The following CDH11 variants were observed in gnomAD, a reference collection of about 807,000 sequenced individuals.
CDH11 encodes the protein cadherin 11.
In CDH11, 11 loss-of-function variants were observed where a neutral mutation model predicts 67.8. The ratio of observed to expected loss-of-function variants is 0.16; its 90% CI spans 0.10 to 0.27. The LOEUF is 0.27. Among genes scored for constraint, CDH11 ranks in the 10% least tolerant of loss-of-function variants. CDH11 has a pLI of 1.00. For missense variants in CDH11, 847 were observed against 1,031.2 expected (o/e 0.82, Z 2.45); for synonymous variants, 419 against 400.0 (o/e 1.05, Z -0.57).
At chr16:65,072,903 G>A (rs2074442453) in intron 1 of CDH11, among the ~76,000 whole-genome samples, 1 of 152,056 alleles carries the variant, frequency 6.6e-6, no homozygotes, top group Admixed American at 6.6e-5. Flanking sequence ...TCCCATGTGG[G>A]GTTTCCTATA....
At chr16:65,047,846 T>A (rs1452405984) in intron 2 of CDH11, among the ~76,000 whole-genome samples, 3 of 152,184 alleles carry the variant, frequency 2.0e-5, no homozygotes, top group Admixed American at 1.3e-4. Flanking sequence ...GATAAATCCC[T>A]ACTCATGATC....
At chr16:65,002,689 C>T (rs1597078530) in intron 3 of CDH11, among the ~76,000 whole-genome samples, 1 of 152,116 alleles carries the variant, frequency 6.6e-6, no homozygotes, top group Admixed American at 6.5e-5. Flanking sequence ...AAGTGCTGTT[C>T]TCATGTAAAA....
chr16:65,067,460 C>T (rs979305567), intron 1 of CDH11, among the ~76,000 whole-genome samples: 14 of 152,176 alleles, frequency 9.2e-5, no homozygotes, highest in Non-Finnish European at 1.5e-5. Context: ...TCTAGCCCCA[C>T]CATTCTCTCA....
intron 2 of CDH11, among the ~76,000 whole-genome samples, chr16:65,045,327 AAG>A (rs2073936429): frequency 2.7e-5 from 3 of 112,466 alleles, no homozygotes; most frequent in Non-Finnish European, 5.4e-5. Flanking sequence ...TTTCCCTCAA[AAG>A]TATATATATA....
chr16:65,049,372 AGACCC>A (rs1397849644), intron 2 of CDH11, among the ~76,000 whole-genome samples: 1 of 152,138 alleles, frequency 6.6e-6, no homozygotes, highest in Non-Finnish European at 1.5e-5. Context: ...TTAGGAATGG[AGACCC>A]TGTCTCTACC....
rs1193601880 is a variant in CDH11 at position 64,944,969 on chromosome 16, T to C, written c.*2634A>G. 4 of 213,216 alleles carry C rather than the reference T, an allele frequency of 1.9e-5. No homozygotes were observed. Among genetic ancestry groups the C allele is most frequent in the Admixed American group, 5.9e-5 (1 of 17,092 alleles). 13.2% of individuals were successfully genotyped at this position (213,216 alleles called of 1,614,324 possible). On this transcript the variant is annotated 3_prime_UTR_variant, in exon 13 of 13. Transcript: ENST00000268603. ...AATTATCAAAAGATGTCAGAAAAGGTAGTAAGATTCATTCTGAATCCTCCA... is the reference window on the plus strand; with the variant it reads ...AATTATCAAAAGATGTCAGAAAAGGCAGTAAGATTCATTCTGAATCCTCCA...
chr16:65,000,251 A>G (rs1037784852), intron 3 of CDH11, among the ~76,000 whole-genome samples: 1 of 152,108 alleles, frequency 6.6e-6, no homozygotes, highest in Admixed American at 6.5e-5. Context: ...AAAGTCTCCC[A>G]AAAATCACAT....
At chr16:65,048,707 CAT>C (rs917482879) in intron 2 of CDH11, among the ~76,000 whole-genome samples, 2 of 151,176 alleles carry the variant, frequency 1.3e-5, no homozygotes, top group Admixed American at 6.6e-5. Context: ...TAGATATAGA[CAT>C]ATATATTTAT....
rs747403726 is a variant in CDH11 at position 64,991,748 on chromosome 16, AG to A, written c.811+19del. On this transcript the variant is annotated intron_variant, in intron 6 of 12. Transcript: ENST00000268603. ...GGCTGTGTCACCATGGAAAAGTGAA[AG>A]CCAAGTCCACCTACTTACTCTGCGG... 1 of 1,593,234 alleles carries A rather than the reference AG, an allele frequency of 6.3e-7. No individual in the cohort carries two copies. Among genetic ancestry groups the A allele is most frequent in the South Asian group, 1.1e-5 (1 of 90,058 alleles).
chr16:64,977,357 A>G lies in CDH11; in HGVS notation c.1254-4317T>C, dbSNP rs146136322. Among the ~76,000 whole-genome samples, 342 of 152,358 alleles carry G rather than the reference A, an allele frequency of 2.2e-3. 3 individuals are homozygous for G. The highest frequency in any genetic ancestry group is 7.5e-3 in the African/African-American group (314 of 41,592). On this transcript the variant is annotated intron_variant, in intron 8 of 12. Transcript: ENST00000268603. ...TGGAAATTGCCTACATGCACAGAAC[A>G]GCTACCATTTGAAAACATGACCCAA...
At chr16:65,004,427 A>C (rs1373404344) in intron 3 of CDH11, among the ~76,000 whole-genome samples, 1 of 152,180 alleles carries the variant, frequency 6.6e-6, no homozygotes, top group Non-Finnish European at 1.5e-5. Flanking sequence ...TAAATGGAAA[A>C]ACCTAAGAAG....
rs547153512 is a variant in CDH11, at chr16:65,095,296, A to G, written c.-298+26584T>C. ...GCTGGATAGGTGGGTATGGCCAACC[A>G]ACCACATCCTTGCACTGCTGAGAGA... is the stretch of plus-strand genomic sequence containing the variant. On this transcript the variant is annotated intron_variant, in intron 1 of 12. Coordinates refer to ENST00000268603, the MANE Select transcript of CDH11 (RefSeq NM_001797.4). Among the ~76,000 whole-genome samples, 20 of 152,284 alleles carry G rather than the reference A, an allele frequency of 1.3e-4. 1 individual carries two copies. The Middle Eastern group carries it at 0.017, about 129-fold the overall frequency.
rs1374991255 is a variant in CDH11, at chr16:65,121,989, G to T, written c.-407C>A. Reference sequence around the variant, plus strand: ...TCCCGGTCCCATTCACAAGTCAGCGGCGGCTGCGAGCGGCCCCCGCGGCAT... The same window carrying T: ...TCCCGGTCCCATTCACAAGTCAGCGTCGGCTGCGAGCGGCCCCCGCGGCAT... On this transcript the variant is annotated 5_prime_UTR_variant, in exon 1 of 13. Transcript: ENST00000268603. This position sits in a 1 kb window ranked among gnomAD's most constrained non-coding sequence, Gnocchi z 4.1. 3 of 700,566 alleles carry T rather than the reference G, an allele frequency of 4.3e-6. No individual in the cohort carries two copies. Among genetic ancestry groups the T allele is most frequent in the Non-Finnish European group, 7.8e-6 (3 of 383,996 alleles). The allele number at this position is 700,566 out of a possible 1,614,324, so 43.4% of individuals were successfully genotyped here.
intron 1 of CDH11, among the ~76,000 whole-genome samples, chr16:65,064,648 A>G (rs2074285097): frequency 6.6e-6 from 1 of 152,212 alleles, no homozygotes; most frequent in Admixed American, 6.5e-5. Context: ...AACAAAGACA[A>G]GGCAGTCTCA....
At chr16:64,960,886 G>A (rs1356223983) in intron 11 of CDH11, among the ~76,000 whole-genome samples, 2 of 152,058 alleles carry the variant, frequency 1.3e-5, no homozygotes, top group Non-Finnish European at 2.9e-5. Context: ...TGAGTGAAGT[G>A]GGGGCAAGGA....
intron 6 of CDH11, among the ~76,000 whole-genome samples, chr16:64,990,865 C>T (rs941435179): frequency 6.6e-6 from 1 of 152,172 alleles, no homozygotes; most frequent in African/African-American, 2.4e-5. Flanking sequence ...AGATTTTACA[C>T]TAGCTCCTTT....
intron 2 of CDH11, among the ~76,000 whole-genome samples, chr16:65,012,720 G>C (rs1025838216): frequency 2.0e-5 from 3 of 152,308 alleles, no homozygotes; most frequent in African/African-American, 7.2e-5. Flanking sequence ...TTGAATGACA[G>C]CAAGCTTCCT....
intron 1 of CDH11, among the ~76,000 whole-genome samples, chr16:65,079,962 C>A (rs745880673): frequency 1.1e-4 from 16 of 152,090 alleles, no homozygotes; most frequent in Non-Finnish European, 1.9e-4. Flanking sequence ...AGTTTTACTT[C>A]TTGATATTTT....
chr16:65,067,944 GAGGGAGGGAGGAAGGA>G (rs1490438928), intron 1 of CDH11, among the ~76,000 whole-genome samples: 19 of 113,768 alleles, frequency 1.7e-4, no homozygotes, highest in African/African-American at 6.2e-4. Context: ...GAAATGAACG[GAGGGAGGGAGGAAGGA>G]AGGGAGGGAG....
Sources: gnomAD v4.1 joint callset for allele counts (sites outside exome capture counted in the v4.1 genomes callset) on GRCh38, gnomAD v4.1.1 for gene constraint, Gnocchi (gnomAD v3.1) non-coding constraint, MANE v1.5 for transcripts, NCBI Gene and HGNC (gene_info 2026-07-23, HGNC 2026-07-21) for gene names.